Variants in UBD observed in about 807,000 individuals in gnomAD.
UBD encodes ubiquitin like modifier D, also known as ubiquitin D.
A neutral mutation model predicts 2.3 loss-of-function variants in UBD; 1 was observed. That is an observed-to-expected ratio of 0.43 (90% CI 0.15 to 2.06). UBD has a LOEUF of 2.06. Among genes scored for constraint, UBD ranks in the 30% most tolerant of loss-of-function variants. The pLI, the probability that UBD is intolerant of heterozygous loss-of-function variation, is 0.29. For missense variants in UBD, 175 were observed against 199.3 expected (o/e 0.88, Z 0.73); for synonymous variants, 75 against 76.5 (o/e 0.98, Z 0.10).
At position 29,558,297 on chromosome 6, in the gene UBD, C is replaced by A. The variant is rs187679314; in HGVS notation, c.27+1378G>T. On this transcript the variant is annotated intron_variant, in intron 1 of 1. Transcript: ENST00000377050. Reference sequence around the variant, plus strand: ...GGAGGTGACTGCATCCACCTTTAAACACGGGGCTTGCAACTTAGCTCACAC... The same window carrying A: ...GGAGGTGACTGCATCCACCTTTAAAAACGGGGCTTGCAACTTAGCTCACAC... Among the ~76,000 whole-genome samples the A allele has an allele frequency of 3.8e-3, 582 of 152,288 alleles. 5 individuals carry two copies. The highest frequency in any genetic ancestry group is 0.01 in the Middle Eastern group (3 of 294).
rs1762506488 is a variant in UBD, at chr6:29,556,163, T to G, written c.215A>C (p.Lys72Thr). The G allele has an allele frequency of 1.2e-6, 2 of 1,613,006 alleles. No homozygotes were observed. The highest frequency in any genetic ancestry group is 1.1e-5 in the South Asian group (1 of 91,082). Residue 72 changes from lysine to threonine, a missense_variant, in exon 2 of 2, where the codon AAG becomes ACG. Transcript: ENST00000377050. The part of the protein sequence containing the change: ...SLSSYGIDKE[K>T]TIHLTLKVVK... ...CACTTTCAGGGTAAGGTGGATGGTC[T>G]TCTCTTTGTCAATGCCATAAGATGA...
intron 1 of UBD, among the ~76,000 whole-genome samples, chr6:29,557,955 A>G (rs1314178446): frequency 6.6e-6 from 1 of 152,236 alleles, no homozygotes; most frequent in African/African-American, 2.4e-5. Context: ...ACGAGGCTTC[A>G]AAAGATGTAC....
In UBD at chr6:29,556,203, G is replaced by C; in HGVS notation, c.175C>G (p.Pro59Ala). Reference protein sequence around the residue: ...VLLLGSKILKPRRSLSSYGID... With the variant: ...VLLLGSKILKARRSLSSYGID... ...CCATAAGATGAGAGGCTTCTCCGTG[G>C]CTTTAAGATCTTGGAGCCCAGCAAA... The change falls in exon 2 of 2, where the codon CCA becomes GCA. Residue 59 changes from proline to alanine, a missense_variant. By Grantham distance (27) the Pro-to-Ala change is conservative. Coordinates refer to ENST00000377050, the MANE Select transcript of UBD (RefSeq NM_006398.4). 6.2e-7 allele frequency: 1 copy of C among 1,613,078 alleles called. No individual in the cohort carries two copies. Among genetic ancestry groups the C allele is most frequent in the Non-Finnish European group, 8.5e-7 (1 of 1,180,038 alleles).
rs1051593538 is a variant in UBD, at chr6:29,559,728, G to C, written c.-27C>G. 6.2e-7 allele frequency: 1 copy of C among 1,612,898 alleles called. No homozygotes were observed. Among genetic ancestry groups the C allele is most frequent in the Non-Finnish European group, 8.5e-7 (1 of 1,179,898 alleles). On this transcript the variant is annotated 5_prime_UTR_variant, in exon 1 of 2. Coordinates refer to ENST00000377050, the MANE Select transcript of UBD (RefSeq NM_006398.4). Reference sequence around the variant, plus strand: ...TCTGCAGACAAGGGGCCAGAAACCAGAGACAGAAAAAGGACTTTGCATGCA... The same window carrying C: ...TCTGCAGACAAGGGGCCAGAAACCACAGACAGAAAAAGGACTTTGCATGCA...
At chr6:29,557,616 C>T (rs1030635898) in intron 1 of UBD, 9 of 152,204 alleles carry the variant, frequency 5.9e-5, no homozygotes, top group African/African-American at 2.2e-4. Context: ...GATATGTATA[C>T]TTAGCAAACC....
intron 1 of UBD, 140 bp from the exon 2 acceptor site, chr6:29,556,490 CT>C: frequency 1.7e-6 from 1 of 600,972 alleles, no homozygotes; most frequent in Non-Finnish European, 2.9e-6. Context: ...CCCTCTCTTT[CT>C]TGGAACTTCT....
intron 1 of UBD, 52 bp downstream of exon 1, chr6:29,559,623 C>A: frequency 6.2e-7 from 1 of 1,608,370 alleles, no homozygotes; most frequent in African/African-American, 1.3e-5. Context: ...CTCTCCCCAA[C>A]TCTTGAAAGT....
intron 1 of UBD, 120 bp downstream of exon 1, chr6:29,559,555 A>G: frequency 1.0e-6 from 1 of 966,080 alleles, no homozygotes; most frequent in East Asian, 2.4e-5. Context: ...CTTCTCCTGA[A>G]GGATGCCTGC....
chr6:29,556,309 A>C lies in UBD; in HGVS notation c.69T>G (p.Asp23Glu), dbSNP rs985951295. ...TTTTCACGCTGTCATATGGGTTGGC[A>C]TCAAAGGTCATTAAATCCCATTCCT... The part of the protein sequence containing the change: ...RSEEWDLMTF[D>E]ANPYDSVKKI... The change falls in exon 2 of 2, where the codon GAT (aspartate) becomes GAG (glutamate). Residue 23 changes from aspartate (D) to glutamate (E), a missense_variant. By Grantham distance (45) the Asp-to-Glu change is conservative. Transcript: ENST00000377050. 1 of 1,612,808 alleles carries C rather than the reference A, an allele frequency of 6.2e-7. No individual in the cohort carries two copies. Among genetic ancestry groups the C allele is most frequent in the Non-Finnish European group, 8.5e-7 (1 of 1,179,836 alleles).
chr6:29,558,353 T>C (rs1762627933), intron 1 of UBD, among the ~76,000 whole-genome samples: 1 of 152,164 alleles, frequency 6.6e-6, no homozygotes, highest in Non-Finnish European at 1.5e-5. Context: ...GAGAGCTCAC[T>C]AAAATGCTAA....
In UBD at chr6:29,559,715, G is replaced by T; in HGVS notation, c.-14C>A. The T allele has an allele frequency of 1.9e-6, 3 of 1,612,832 alleles. No homozygotes were observed. The highest frequency in any genetic ancestry group is 2.2e-5 in the East Asian group (1 of 44,898). ...ATTGGGAGCCATCTCTGCAGACAAG[G>T]GGCCAGAAACCAGAGACAGAAAAAG... On this transcript the variant is annotated 5_prime_UTR_variant, in exon 1 of 2. Coordinates refer to ENST00000377050, the MANE Select transcript of UBD (RefSeq NM_006398.4).
chr6:29,559,606 C>T (rs1762703732), intron 1 of UBD, 69 bp downstream of exon 1: 2 of 1,583,964 alleles, frequency 1.3e-6, no homozygotes, highest in Admixed American at 1.7e-5. Flanking sequence ...GCCCCCGTTT[C>T]TAAGATCTCT....
At chr6:29,558,641 G>A (rs1339113421) in intron 1 of UBD, among the ~76,000 whole-genome samples, 1 of 152,134 alleles carries the variant, frequency 6.6e-6, no homozygotes, top group African/African-American at 2.4e-5. Context: ...TCCATCCCTC[G>A]GATCTGGCAG....
At position 29,556,267 on chromosome 6, in the gene UBD, G is replaced by C. The variant is rs746792182; in HGVS notation, c.111C>G (p.Val37=). ...GCACAGGAACCTTGGTCTTAGACCG[G>C]ACATGTTCTTTGATTTTTTTCACGC... ...YDSVKKIKEH[V]RSKTKVPVQD... The change falls in exon 2 of 2, where the codon GTC becomes GTG. Residue 37 remains valine, a synonymous_variant. Transcript: ENST00000377050. The C allele has an allele frequency of 4.3e-6, 7 of 1,612,990 alleles. No individual in the cohort carries two copies. The highest frequency in any genetic ancestry group is 4.2e-6 in the Non-Finnish European group (5 of 1,180,046).
In UBD at chr6:29,555,868, T is replaced by A; in HGVS notation, c.*12A>T. 6.2e-7 allele frequency: 1 copy of A among 1,605,746 alleles called. No individual in the cohort carries two copies. ...CTTTTTGACCCCTGCCAACACCCCA[T>A]GCCCAGGGTGGTCACCCTCCAATAC... is the stretch of plus-strand genomic sequence containing the variant. On this transcript the variant is annotated 3_prime_UTR_variant, in exon 2 of 2. Transcript: ENST00000377050.
Position 29,556,090 on chromosome 6 carries a change from A to C in UBD, c.288T>G (p.Gly96=). The C allele has an allele frequency of 6.2e-7, 1 of 1,612,992 alleles. No individual in the cohort carries two copies. The highest frequency in any genetic ancestry group is 1.7e-5 in the Admixed American group (1 of 60,010). The change falls in exon 2 of 2, where the codon GGT becomes GGG. Residue 96 remains glycine, a synonymous_variant. Coordinates refer to ENST00000377050, the MANE Select transcript of UBD (RefSeq NM_006398.4). The part of the protein sequence containing the change: ...EELPLFLVES[G]DEAKRHLLQV... ...GGAGGAGGTGCCTCTTTGCCTCATC[A>C]CCTGACTCCACAAGAAACAAGGGCA...
chr6:29,559,541 G>T, intron 1 of UBD, 134 bp downstream of exon 1: 2 of 790,810 alleles, frequency 2.5e-6, no homozygotes, highest in South Asian at 2.0e-5. Flanking sequence ...GTCAATGCCA[G>T]CCTCTTCTCC....
chr6:29,556,529 A>T lies in UBD; in HGVS notation c.28-179T>A. On this transcript the variant is annotated intron_variant, in intron 1 of 1. Coordinates refer to ENST00000377050, the MANE Select transcript of UBD (RefSeq NM_006398.4). ...TTTGGAATTACCAAGTTACAACACAAATAAGATAATTTGTCCCATTCCTTT... is the reference window on the plus strand; with the variant it reads ...TTTGGAATTACCAAGTTACAACACATATAAGATAATTTGTCCCATTCCTTT... 5.3e-6 allele frequency: 3 copies of T among 567,468 alleles called. No individual in the cohort carries two copies. In the South Asian group the frequency reaches 7.6e-5, roughly 14 times the overall value. 35.2% of individuals were successfully genotyped at this position (567,468 alleles called of 1,614,324 possible).
chr6:29,555,799 C>G lies in UBD; in HGVS notation c.*81G>C. The G allele has an allele frequency of 8.6e-7, 1 of 1,163,328 alleles. No homozygotes were observed. Among genetic ancestry groups the G allele is most frequent in the Non-Finnish European group, 1.2e-6 (1 of 812,458 alleles). 72.1% of individuals were successfully genotyped at this position (1,163,328 alleles called of 1,614,324 possible). On this transcript the variant is annotated 3_prime_UTR_variant, in exon 2 of 2. Transcript: ENST00000377050. ...CTCATTCTCATTAATTTTGGGAAAT[C>G]ATCAGAAGATGTGTTCGTTGAGTAA...
Sources: gnomAD v4.1 joint callset for allele counts (sites outside exome capture counted in the v4.1 genomes callset) on GRCh38, gnomAD v4.1.1 for gene constraint, MANE v1.5 for transcripts, NCBI Gene and HGNC (gene_info 2026-07-23, HGNC 2026-07-21) for gene names.